The following DENND1A variants were observed in gnomAD, a reference collection of about 807,000 sequenced individuals.
The protein encoded by DENND1A is DENN domain-containing protein 1A.
Under a neutral mutation model 113.7 loss-of-function variants are expected in DENND1A, and 51 were observed. That is an observed-to-expected ratio of 0.45 (90% CI 0.36 to 0.57). The LOEUF (loss-of-function observed/expected upper bound fraction) is 0.57, where lower values mean the gene tolerates loss of function less well. Among genes scored for constraint, DENND1A ranks in the 20% least tolerant of loss-of-function variants. The pLI, the probability that DENND1A is intolerant of heterozygous loss-of-function variation, is 0.00. For missense variants in DENND1A, 1,258 were observed against 1,395.9 expected, an observed-to-expected ratio of 0.90 and a Z score of 1.57; for synonymous variants, 565 against 570.8, an observed-to-expected ratio of 0.99 and a Z score of 0.14.
chr9:123,423,532 C>T (rs1342100868), intron 19 of DENND1A, among the ~76,000 whole-genome samples: 1 of 152,164 alleles, frequency 6.6e-6, no homozygotes, highest in Non-Finnish European at 1.5e-5. Flanking sequence ...TCAAGGTCAG[C>T]GTGCAGGAGG....
At chr9:123,683,389 ACTC>A in intron 5 of DENND1A, among the ~76,000 whole-genome samples, 1 of 152,034 alleles carries the variant, frequency 6.6e-6, no homozygotes, top group African/African-American at 2.4e-5. Context: ...GAAAAAAATG[ACTC>A]CTTTTATGAT....
intron 10 of DENND1A, among the ~76,000 whole-genome samples, chr9:123,616,150 G>T (rs1464425354): frequency 1.3e-5 from 2 of 152,104 alleles, no homozygotes; most frequent in Admixed American, 6.6e-5. Flanking sequence ...GCTTGGTCTC[G>T]AACTCCTGAC....
At chr9:123,555,789 T>C (rs1026667031) in intron 13 of DENND1A, among the ~76,000 whole-genome samples, 1 of 152,078 alleles carries the variant, frequency 6.6e-6, no homozygotes, top group Non-Finnish European at 1.5e-5. Flanking sequence ...AACGATAAAC[T>C]CCTCCCGTGG....
chr9:123,652,171 TA>T, intron 8 of DENND1A, 48 bp from the exon 9 acceptor site: 1 of 1,444,548 alleles, frequency 6.9e-7, no homozygotes, highest in South Asian at 1.2e-5. Context: ...TCTTTGTTCT[TA>T]TTATAACTGT....
chr9:123,389,539 C>T (rs2042734184), intron 21 of DENND1A, among the ~76,000 whole-genome samples: 1 of 152,218 alleles, frequency 6.6e-6, no homozygotes, highest in African/African-American at 2.4e-5. Flanking sequence ...GCCACTTCCA[C>T]AGCAAAGAAG....
chr9:123,401,923 C>T (rs1296481232), intron 21 of DENND1A: 3 of 1,614,036 alleles, frequency 1.9e-6, no homozygotes, highest in African/African-American at 1.3e-5. Context: ...CTGTGTAATG[C>T]AAGAATATTC....
Position 123,907,137 on chromosome 9 carries a change from A to G in DENND1A, c.17+22752T>C, listed in dbSNP as rs1448588420. On this transcript the variant is annotated intron_variant, in intron 1 of 23. Transcript: ENST00000394215. ...TGATTATCTCAATAGATGCAGAAAAAGCCTTTGACAAAATTCAACAACCCT... is the reference window on the plus strand; with the variant it reads ...TGATTATCTCAATAGATGCAGAAAAGGCCTTTGACAAAATTCAACAACCCT... 6.1e-5 allele frequency among the ~76,000 whole-genome samples: 9 copies of G among 147,692 alleles called. No individual in the cohort carries two copies. The South Asian group carries it at 1.8e-3, about 29-fold the overall frequency.
At chr9:123,585,291 A>T (rs1365249167) in intron 11 of DENND1A, among the ~76,000 whole-genome samples, 1 of 152,184 alleles carries the variant, frequency 6.6e-6, no homozygotes, top group African/African-American at 2.4e-5. Context: ...CCGATGTAGG[A>T]GTTTATTCTT....
In DENND1A at chr9:123,667,079, G is replaced by A. The variant is rs1336998041; in HGVS notation, c.454C>T (p.His152Tyr). The A allele has an allele frequency of 6.3e-7, 1 of 1,599,316 alleles. No individual in the cohort carries two copies. The change falls in exon 8 of 24, where the codon CAT becomes TAT. Residue 152 changes from histidine (H) to tyrosine (Y), a missense_variant and splice_region_variant. This residue lies in a region of DENND1A where 1,159 missense variants were observed against 1,231.7 expected (regional missense o/e 0.94). Transcript: ENST00000394215. ...GTATCAGGCACAGTAAAATAAGAAT[G>A]CTAGAAAAGAAAAGCAAAAGTGATT... ...DPGVSVHLSV[H>Y]SYFTVPDTRE... is the part of the protein sequence containing the mutation.
chr9:123,544,185 C>G (rs1670383311), intron 13 of DENND1A, among the ~76,000 whole-genome samples: 1 of 152,164 alleles, frequency 6.6e-6, no homozygotes, highest in South Asian at 2.1e-4. Context: ...AGAAAGCTAG[C>G]CACTAGGTGT....
At chr9:123,777,375 C>A (rs369059014) in intron 3 of DENND1A, among the ~76,000 whole-genome samples, 1 of 152,206 alleles carries the variant, frequency 6.6e-6, no homozygotes, top group East Asian at 1.9e-4. Flanking sequence ...TCAAGGCCTT[C>A]TCTAGGTAGA....
chr9:123,682,842 C>G (rs1172832053), intron 5 of DENND1A, among the ~76,000 whole-genome samples: 1 of 151,934 alleles, frequency 6.6e-6, no homozygotes, highest in African/African-American at 2.4e-5. Context: ...CTTTGGGAAT[C>G]TCTCTTTGAT....
chr9:123,902,515 C>G (rs1194218610), intron 1 of DENND1A, among the ~76,000 whole-genome samples: 1 of 152,160 alleles, frequency 6.6e-6, no homozygotes, highest in Non-Finnish European at 1.5e-5. Flanking sequence ...GCACAAAGAA[C>G]AGTGCCCATG....
intron 13 of DENND1A, among the ~76,000 whole-genome samples, chr9:123,489,655 G>C (rs542701909): frequency 6.6e-6 from 1 of 152,346 alleles, no homozygotes; most frequent in East Asian, 1.9e-4. Flanking sequence ...GTGTCTAAAA[G>C]CAGTGAAGGG....
intron 12 of DENND1A, among the ~76,000 whole-genome samples, chr9:123,582,293 T>C (rs908846177): frequency 6.6e-6 from 1 of 152,152 alleles, no homozygotes; most frequent in Non-Finnish European, 1.5e-5. Context: ...GGCGAGACTC[T>C]CAGACTCCCA....
intron 21 of DENND1A, among the ~76,000 whole-genome samples, chr9:123,388,292 C>T (rs1401793205): frequency 6.6e-6 from 1 of 152,174 alleles, no homozygotes; most frequent in African/African-American, 2.4e-5. Flanking sequence ...TGCAATCACA[C>T]CACATTCGCT....
intron 13 of DENND1A, among the ~76,000 whole-genome samples, chr9:123,470,022 T>C (rs1312249529): frequency 6.6e-6 from 1 of 152,202 alleles, no homozygotes; most frequent in East Asian, 1.9e-4. Flanking sequence ...CTAGTAGCAA[T>C]TCAGACAGGG....
chr9:123,690,971 T>G (rs1182286125), intron 5 of DENND1A, among the ~76,000 whole-genome samples: 2 of 152,198 alleles, frequency 1.3e-5, no homozygotes, highest in African/African-American at 2.4e-5. Flanking sequence ...GCAAGGATGG[T>G]GTGCTAATAA....
intron 2 of DENND1A, among the ~76,000 whole-genome samples, chr9:123,865,521 TGAG>T (rs1845689009): frequency 6.6e-6 from 1 of 152,220 alleles, no homozygotes; most frequent in Admixed American, 6.5e-5. Context: ...AGGCTCAGAA[TGAG>T]GAGGACAGGA....
Sources: gnomAD v4.1 joint callset for allele counts (sites outside exome capture counted in the v4.1 genomes callset) on GRCh38, gnomAD v4.1.1 for gene constraint, gnomAD v4.1.1 regional missense constraint, MANE v1.5 for transcripts, NCBI Gene and HGNC (gene_info 2026-07-23, HGNC 2026-07-21) for gene names.